DDX50: variants seen among roughly 807,000 people sequenced by gnomAD.
DDX50 encodes DExD-box helicase 50.
In DDX50, 56 loss-of-function variants were observed where a neutral mutation model predicts 94.8. The observed-to-expected ratio is 0.59, with a 90% CI of 0.48 to 0.74. The LOEUF is 0.74. Ranked by LOEUF, DDX50 falls within the 30% of genes least tolerant of loss-of-function variation. The pLI is 0.00. For missense variants in DDX50, 713 were observed against 881.2 expected (o/e 0.81, Z 2.42); for synonymous variants, 264 against 295.4 (o/e 0.89, Z 1.09).
intron 4 of DDX50, among the ~76,000 whole-genome samples, chr10:68,912,198 T>TTTTTG (rs919487885): frequency 2.6e-5 from 4 of 152,036 alleles, no homozygotes; most frequent in Non-Finnish European, 5.9e-5. Context: ...CACTGCTTTT[T>TTTTTG]TTTTGTTTTG....
chr10:68,914,195 T>C lies in DDX50; in HGVS notation c.1080T>C (p.Thr360=). ...GAAAAATGACTCAAAAGGCTGCAACTACTGTGGAAGTAAGTAGCTTTCTAG... is the reference window on the plus strand; with the variant it reads ...GAAAAATGACTCAAAAGGCTGCAACCACTGTGGAAGTAAGTAGCTTTCTAG... The part of the protein sequence containing the change: ...LVGKMTQKAA[T]TVEHLAIQCH... Residue 360 remains threonine, a synonymous_variant, in exon 7 of 15, where the codon ACT becomes ACC. Transcript: ENST00000373585. The C allele has an allele frequency of 6.2e-7, 1 of 1,610,652 alleles. No homozygotes were observed.
intron 1 of DDX50, among the ~76,000 whole-genome samples, chr10:68,903,936 A>G (rs1002899177): frequency 6.7e-6 from 1 of 148,292 alleles, no homozygotes; most frequent in African/African-American, 2.5e-5. Flanking sequence ...AGATCGCACC[A>G]TTGCACTCCA....
Position 68,946,387 on chromosome 10 carries a change from G to A in DDX50, c.1971G>A (p.Val657=), listed in dbSNP as rs376563793. 2.5e-6 allele frequency: 4 copies of A among 1,613,954 alleles called. No homozygotes were observed. In the African/African-American group the frequency reaches 4.0e-5, roughly 16 times the overall value. Residue 657 remains valine, a synonymous_variant, in exon 15 of 15, where the codon GTG becomes GTA. Transcript: ENST00000373585. ...EWHDSDWILS[V]PAKLPEIEEY... ...ATGATTCCGACTGGATACTCTCAGT[G>A]CCAGCCAAATTACCTGAAATTGAAG...
At chr10:68,913,952 C>T (rs1048188813) in intron 6 of DDX50, 107 bp from the exon 7 acceptor site, 2 of 1,149,778 alleles carry the variant, frequency 1.7e-6, no homozygotes, top group East Asian at 2.9e-5. Context: ...AAATTCACCC[C>T]AAGTTTTACA....
At chr10:68,933,295 C>T (rs1226312579) in intron 8 of DDX50, among the ~76,000 whole-genome samples, 4 of 152,052 alleles carry the variant, frequency 2.6e-5, no homozygotes, top group Non-Finnish European at 1.5e-5. Flanking sequence ...GTCTCAAACT[C>T]CTGACCTCGG....
At chr10:68,904,487 CAG>C (rs1190821299) in intron 1 of DDX50, among the ~76,000 whole-genome samples, 4 of 152,120 alleles carry the variant, frequency 2.6e-5, no homozygotes, top group Non-Finnish European at 5.9e-5. Context: ...ACATAGAGAA[CAG>C]ATACTCAAGG....
chr10:68,916,226 C>T (rs183613521), intron 7 of DDX50, among the ~76,000 whole-genome samples: 77 of 151,936 alleles, frequency 5.1e-4, no homozygotes, highest in African/African-American at 1.5e-3. Flanking sequence ...TAGTTGCGCA[C>T]GCCTGTAGTC....
chr10:68,930,476 A>G (rs1455726302), intron 8 of DDX50, among the ~76,000 whole-genome samples: 1 of 152,112 alleles, frequency 6.6e-6, no homozygotes, highest in Non-Finnish European at 1.5e-5. Flanking sequence ...TGTATAATGT[A>G]TCTCTTTCCT....
chr10:68,916,460 A>G (rs1361035317), intron 7 of DDX50, among the ~76,000 whole-genome samples: 1 of 152,114 alleles, frequency 6.6e-6, no homozygotes, highest in Non-Finnish European at 1.5e-5. Context: ...GTTGATAAGA[A>G]CATTTTCAAA....
chr10:68,928,295 G>C (rs914050285), intron 8 of DDX50, among the ~76,000 whole-genome samples: 1 of 152,042 alleles, frequency 6.6e-6, no homozygotes, highest in Admixed American at 6.6e-5. Flanking sequence ...CACCCTGGGC[G>C]ACCGAGTGAG....
intron 13 of DDX50, 66 bp downstream of exon 13, chr10:68,941,260 A>C: frequency 1.3e-6 from 2 of 1,579,950 alleles, no homozygotes; most frequent in Admixed American, 4.0e-5. Context: ...AAACACTAGC[A>C]AATTTTGTTC....
At chr10:68,917,847 C>T (rs2132034579) in intron 7 of DDX50, among the ~76,000 whole-genome samples, 1 of 152,282 alleles carries the variant, frequency 6.6e-6, no homozygotes, top group East Asian at 1.9e-4. Flanking sequence ...ACGTGATCCA[C>T]CTGCCTCCGG....
intron 8 of DDX50, among the ~76,000 whole-genome samples, chr10:68,931,409 ATG>A (rs1419741368): frequency 0.035 from 2,527 of 72,628 alleles, 76 homozygotes; most frequent in African/African-American, 0.075. Context: ...ATATATATAT[ATG>A]TATATATATA....
rs111281338 is a variant in DDX50 at position 68,944,703 on chromosome 10, C to T, written c.1935+1446C>T. ...CTGGGACTACAGGCAAATGCCACCACGCCCAGCTAATTTTTGTATTTTTAG... is the reference window on the plus strand; with the variant it reads ...CTGGGACTACAGGCAAATGCCACCATGCCCAGCTAATTTTTGTATTTTTAG... On this transcript the variant is annotated intron_variant, in intron 14 of 14. Coordinates refer to ENST00000373585, the MANE Select transcript of DDX50 (RefSeq NM_024045.2). Among the ~76,000 whole-genome samples, 388 of 152,162 alleles carry T rather than the reference C, an allele frequency of 2.5e-3. 1 individual carries two copies. Among genetic ancestry groups the T allele is most frequent in the African/African-American group, 8.4e-3 (348 of 41,508 alleles).
chr10:68,905,612 C>T (rs1319189496), intron 1 of DDX50, among the ~76,000 whole-genome samples: 2 of 152,150 alleles, frequency 1.3e-5, no homozygotes, highest in Non-Finnish European at 2.9e-5. Context: ...GTTTCCTTGT[C>T]TATAAAATGG....
chr10:68,908,142 A>G (rs560755554), intron 2 of DDX50, among the ~76,000 whole-genome samples: 2 of 152,202 alleles, frequency 1.3e-5, no homozygotes, highest in Non-Finnish European at 2.9e-5. Flanking sequence ...AAAGGTAGTC[A>G]TTGTATCTTG....
intron 8 of DDX50, among the ~76,000 whole-genome samples, chr10:68,929,725 CTT>C (rs35522934): frequency 1.2e-4 from 15 of 127,216 alleles, no homozygotes; most frequent in African/African-American, 1.1e-4. Flanking sequence ...CGCCTGGCCT[CTT>C]TTTTTTTTTT....
At chr10:68,942,428 G>A (rs924291355) in intron 13 of DDX50, among the ~76,000 whole-genome samples, 4 of 152,150 alleles carry the variant, frequency 2.6e-5, no homozygotes, top group East Asian at 1.9e-4. Flanking sequence ...AGGATGTGGG[G>A]CAAGTATGAG....
chr10:68,946,754 TA>T lies in DDX50; in HGVS notation c.*125del. The T allele has an allele frequency of 7.8e-7, 1 of 1,275,508 alleles. No homozygotes were observed. Among genetic ancestry groups the T allele is most frequent in the South Asian group, 1.5e-5 (1 of 67,226 alleles). The allele number at this position is 1,275,508 out of a possible 1,614,324, so 79.0% of individuals were successfully genotyped here. On this transcript the variant is annotated 3_prime_UTR_variant, in exon 15 of 15. Coordinates refer to ENST00000373585, the MANE Select transcript of DDX50 (RefSeq NM_024045.2). Reference sequence around the variant, plus strand: ...CTGCTATTTGCAAAGAAGTTGGTCGTATTTTTTTAAAAAGTATTTCACAAGA... The same window carrying T: ...CTGCTATTTGCAAAGAAGTTGGTCGTTTTTTTTAAAAAGTATTTCACAAGA...
Sources: gnomAD v4.1 joint callset for allele counts (sites outside exome capture counted in the v4.1 genomes callset) on GRCh38, gnomAD v4.1.1 for gene constraint, MANE v1.5 for transcripts, NCBI Gene and HGNC (gene_info 2026-07-23, HGNC 2026-07-21) for gene names.